ECPAS: variants seen among roughly 807,000 people sequenced by gnomAD.
The protein encoded by ECPAS is proteasome adapter and scaffold protein ECM29.
A neutral mutation model predicts 255.1 loss-of-function variants in ECPAS; 70 were observed. That is an observed-to-expected ratio of 0.27 (90% CI 0.23 to 0.33). ECPAS has a LOEUF of 0.33. Ranked by LOEUF, ECPAS falls within the 10% of genes least tolerant of loss-of-function variation. The probability of loss-of-function intolerance (pLI) is 1.00; values close to 1 mark genes in which losing one functional copy is unlikely to be tolerated. For synonymous variants in ECPAS, 784 were observed against 775.0 expected (o/e 1.01, Z -0.19); for missense variants, 1,817 against 2,206.4 (o/e 0.82, Z 3.54).
chr9:111,475,501 G>A (rs1027185819), intron 1 of ECPAS, among the ~76,000 whole-genome samples: 1 of 152,130 alleles, frequency 6.6e-6, no homozygotes, highest in Non-Finnish European at 1.5e-5. Flanking sequence ...TTGGGAGGCC[G>A]AGGCAGGCAG....
At chr9:111,460,686 T>A (rs993585354) in intron 2 of ECPAS, among the ~76,000 whole-genome samples, 5 of 152,134 alleles carry the variant, frequency 3.3e-5, no homozygotes, top group African/African-American at 1.2e-4. Flanking sequence ...AAACACCTAT[T>A]ACAATGACAT....
chr9:111,475,429 C>G (rs2098294947), intron 1 of ECPAS, among the ~76,000 whole-genome samples: 1 of 152,162 alleles, frequency 6.6e-6, no homozygotes, highest in South Asian at 2.1e-4. Context: ...TTACTGAAAG[C>G]ATAATTCAAA....
intron 49 of ECPAS, 81 bp from the exon 50 acceptor site, chr9:111,362,250 C>A (rs1465069298): frequency 2.4e-6 from 3 of 1,242,496 alleles, no homozygotes; most frequent in Non-Finnish European, 3.3e-6. Flanking sequence ...CCTTATAGAA[C>A]AAGCAAGAAA....
chr9:111,459,462 C>A lies in ECPAS; in HGVS notation c.23-7907G>T, dbSNP rs189422067. Among the ~76,000 whole-genome samples, 8 of 152,090 alleles carry A rather than the reference C, an allele frequency of 5.3e-5. No individual in the cohort carries two copies. In the East Asian group the frequency reaches 1.4e-3, roughly 26 times the overall value. ...AGTATTTTAATAAATCAGAAGTCTA[C>A]GAAATATTTGAGAACACACATTCCA... On this transcript the variant is annotated intron_variant, in intron 2 of 49. Coordinates refer to ENST00000684092, the MANE Select transcript of ECPAS (RefSeq NM_001364929.1).
chr9:111,476,181 T>C (rs1157339339), intron 1 of ECPAS, among the ~76,000 whole-genome samples: 1 of 152,214 alleles, frequency 6.6e-6, no homozygotes, highest in Non-Finnish European at 1.5e-5. Flanking sequence ...GTTGCCTTTA[T>C]CCCAACGAAG....
intron 43 of ECPAS, 32 bp from the exon 44 acceptor site, chr9:111,370,797 A>G (rs1306259078): frequency 1.9e-6 from 3 of 1,567,160 alleles, no homozygotes; most frequent in East Asian, 4.6e-5. Context: ...AAATACTATT[A>G]AGCCCAAACA....
rs371781434 is a variant in ECPAS, at chr9:111,411,099, G to A, written c.2258C>T (p.Thr753Met). ...CTTTTTAGCCAAATACCTTCCCACCGTGAATCCCAATGCAAGCAAGGATCC... is the reference window on the plus strand; with the variant it reads ...CTTTTTAGCCAAATACCTTCCCACCATGAATCCCAATGCAAGCAAGGATCC... Reference protein sequence around the residue: ...QHGSLLALGFTVGRYLAKKKM... With the variant: ...QHGSLLALGFMVGRYLAKKKM... The change falls in exon 22 of 50, where the codon ACG becomes ATG. Residue 753 changes from threonine to methionine, a missense_variant. Transcript: ENST00000684092. 1.6e-4 allele frequency: 261 copies of A among 1,613,504 alleles called. No individual in the cohort carries two copies. Among genetic ancestry groups the A allele is most frequent in the Non-Finnish European group, 1.9e-4 (225 of 1,179,814 alleles).
chr9:111,444,075 C>T (rs1016158308), intron 4 of ECPAS, among the ~76,000 whole-genome samples: 41 of 152,128 alleles, frequency 2.7e-4, no homozygotes, highest in African/African-American at 9.4e-4. Flanking sequence ...CCATTTCATA[C>T]AGTCTCCTAC....
chr9:111,462,943 T>C (rs1313580924), intron 2 of ECPAS, among the ~76,000 whole-genome samples: 2 of 152,136 alleles, frequency 1.3e-5, no homozygotes, highest in African/African-American at 4.8e-5. Context: ...AGTTTCGCCA[T>C]GTTGGTCAGG....
chr9:111,371,534 A>C, intron 43 of ECPAS, 87 bp downstream of exon 43: 1 of 1,214,548 alleles, frequency 8.2e-7, no homozygotes, highest in Non-Finnish European at 1.2e-6. Context: ...TCCATTGGAA[A>C]AGTTACACAA....
At chr9:111,472,803 G>C (rs1214216459) in intron 2 of ECPAS, 94 bp downstream of exon 2, 2 of 246,308 alleles carry the variant, frequency 8.1e-6, no homozygotes, top group Admixed American at 1.2e-4. Flanking sequence ...AAAACATGAA[G>C]ATCTTGGGGG....
At chr9:111,463,726 G>C (rs1240676290) in intron 2 of ECPAS, among the ~76,000 whole-genome samples, 1 of 152,022 alleles carries the variant, frequency 6.6e-6, no homozygotes, top group Non-Finnish European at 1.5e-5. Context: ...ATGCCATTAA[G>C]AATCAGAGAA....
Position 111,370,535 on chromosome 9 carries a change from T to C in ECPAS, c.4874A>G (p.Tyr1625Cys), listed in dbSNP as rs771114347. ...LKECSKENVK[Y>C]KIVAISCAAD... ...TGCACAGCTGATTGCTACAATCTTGTATTTGACATTCTCTTTGCTACATTC... is the reference window on the plus strand; with the variant it reads ...TGCACAGCTGATTGCTACAATCTTGCATTTGACATTCTCTTTGCTACATTC... Residue 1625 changes from tyrosine (Y) to cysteine (C), a missense_variant, in exon 45 of 50, where the codon TAC (tyrosine) becomes TGC (cysteine). Physicochemically the swap from Tyr to Cys is radical, Grantham distance 194. This residue lies in a region of ECPAS where 960 missense variants were observed against 1,179.0 expected (regional missense o/e 0.81). Coordinates refer to ENST00000684092, the MANE Select transcript of ECPAS (RefSeq NM_001364929.1). 7 of 1,611,368 alleles carry C rather than the reference T, an allele frequency of 4.3e-6. No homozygotes were observed. Among genetic ancestry groups the C allele is most frequent in the Non-Finnish European group, 5.9e-6 (7 of 1,178,710 alleles).
At chr9:111,375,460 T>C (rs2098132327) in intron 37 of ECPAS, among the ~76,000 whole-genome samples, 1 of 152,114 alleles carries the variant, frequency 6.6e-6, no homozygotes. Context: ...AAAATAATGA[T>C]TACTCAAGAA....
At chr9:111,411,285 G>T in intron 21 of ECPAS, 143 bp from the exon 22 acceptor site, 1 of 797,386 alleles carries the variant, frequency 1.3e-6, no homozygotes, top group Non-Finnish European at 2.0e-6. Flanking sequence ...AGGTTTCACT[G>T]GATGCTAATG....
chr9:111,410,359 T>C (rs1345618693), intron 22 of ECPAS, 146 bp from the exon 23 acceptor site: 17 of 613,952 alleles, frequency 2.8e-5, no homozygotes. Context: ...TGCCAACATT[T>C]ATTCAGTGGA....
intron 2 of ECPAS, among the ~76,000 whole-genome samples, chr9:111,458,041 AG>A (rs1320092049): frequency 6.6e-6 from 1 of 152,238 alleles, no homozygotes; most frequent in Admixed American, 6.5e-5. Context: ...ACATTAAAAA[AG>A]TATAAAATTC....
At chr9:111,423,108 C>G in intron 13 of ECPAS, 91 bp downstream of exon 13, 1 of 895,518 alleles carries the variant, frequency 1.1e-6, no homozygotes, top group Non-Finnish European at 1.8e-6. Context: ...TTCAGAATCA[C>G]GACAAATTTA....
In ECPAS at chr9:111,427,906, T is replaced by C. The variant is rs1281120511; in HGVS notation, c.1050+136A>G. 13 of 650,138 alleles carry C rather than the reference T, an allele frequency of 2.0e-5. No individual in the cohort carries two copies. In the South Asian group the frequency reaches 5.5e-4, roughly 27 times the overall value. 40.3% of individuals were successfully genotyped at this position (650,138 alleles called of 1,614,324 possible). A position where few individuals can be genotyped will look rare whatever the true frequency, so the allele number is the denominator to read the frequency against. On this transcript the variant is annotated intron_variant, in intron 10 of 49. Transcript: ENST00000684092. ...AAATCATATTGCAGCAAATTTAAGA[T>C]AGAAAAAAAGAATCTCATTAATCTT...
Sources: allele counts gnomAD v4.1 joint callset (sites outside exome capture counted in the v4.1 genomes callset), GRCh38; gene constraint gnomAD v4.1.1; regional missense constraint gnomAD v4.1.1; transcripts MANE v1.5; gene names NCBI Gene and HGNC (gene_info 2026-07-23, HGNC 2026-07-21).